PHF24: variants seen among roughly 807,000 people sequenced by gnomAD.
PHF24 encodes the protein Galpha inhibitory interacting protein.
PHF24 carries 25 observed loss-of-function variants against 42.6 expected under a neutral mutation model. That is an observed-to-expected ratio of 0.59 (90% confidence interval 0.43 to 0.82). The LOEUF (loss-of-function observed/expected upper bound fraction) is 0.82, where lower values mean the gene tolerates loss of function less well. PHF24 is among the 40% of genes least tolerant of loss of function. The pLI is 0.00. For synonymous variants in PHF24, 185 were observed against 204.8 expected (o/e 0.90, Z 0.83); for missense variants, 470 against 538.1 (o/e 0.87, Z 1.25).
chr9:34,933,812 C>T, the PHF24 span, among the ~76,000 whole-genome samples: 34 of 151,402 alleles, frequency 2.2e-4, no homozygotes, highest in Non-Finnish European at 3.7e-4. Flanking sequence ...CTCGCTCTGT[C>T]ACCCAGGCTG....
At chr9:34,723,279 G>T in the PHF24 span, 1 of 1,551,782 alleles carries the variant, frequency 6.4e-7, no homozygotes, top group Non-Finnish European at 8.7e-7. Flanking sequence ...CGAGGACAGT[G>T]ACGAGGGCAG....
the PHF24 span, among the ~76,000 whole-genome samples, chr9:34,800,413 A>G: frequency 1.3e-5 from 2 of 152,224 alleles, no homozygotes; most frequent in African/African-American, 4.8e-5. Flanking sequence ...CCTGACTTCA[A>G]ATTATACCAT....
the PHF24 span, among the ~76,000 whole-genome samples, chr9:34,766,817 C>A: frequency 4.6e-5 from 7 of 152,116 alleles, no homozygotes; most frequent in South Asian, 1.2e-3. Flanking sequence ...TGTTTTTTTC[C>A]CCATCTTTGC....
chr9:34,885,510 C>T, the PHF24 span, among the ~76,000 whole-genome samples: 1 of 152,156 alleles, frequency 6.6e-6, no homozygotes, highest in African/African-American at 2.4e-5. Flanking sequence ...GGCTCCTCTG[C>T]GGTAGGTTGG....
the PHF24 span, among the ~76,000 whole-genome samples, chr9:34,932,201 G>A: frequency 6.6e-6 from 1 of 152,070 alleles, no homozygotes; most frequent in Non-Finnish European, 1.5e-5. Context: ...TATTCCCCTG[G>A]GCTAAGGGAG....
chr9:34,890,252 C>T, the PHF24 span, among the ~76,000 whole-genome samples: 1 of 152,230 alleles, frequency 6.6e-6, no homozygotes. Flanking sequence ...CTGGGGAGAG[C>T]TCCAGTGCTG....
At chr9:34,719,671 C>T in the PHF24 span, among the ~76,000 whole-genome samples, 1 of 152,108 alleles carries the variant, frequency 6.6e-6, no homozygotes, top group Non-Finnish European at 1.5e-5. Flanking sequence ...CCTGCTCCAC[C>T]CTAAACCAGG....
chr9:34,927,934 A>T, the PHF24 span, among the ~76,000 whole-genome samples: 4 of 152,224 alleles, frequency 2.6e-5, no homozygotes, highest in Non-Finnish European at 4.4e-5. Flanking sequence ...GTTTTAAAAC[A>T]TTAATGAGTT....
the PHF24 span, among the ~76,000 whole-genome samples, chr9:34,902,186 G>A: frequency 2.0e-5 from 3 of 151,890 alleles, no homozygotes; most frequent in South Asian, 6.2e-4. Context: ...ATTAAATTTT[G>A]TTTATACCTT....
chr9:34,736,507 A>G, the PHF24 span, among the ~76,000 whole-genome samples: 544 of 152,194 alleles, frequency 3.6e-3, 3 homozygotes, highest in Non-Finnish European at 5.7e-3. Flanking sequence ...GGGTCTCCCT[A>G]TGTTGCCCAG....
the PHF24 span, among the ~76,000 whole-genome samples, chr9:34,671,807 TCATCCATCCATC>T: frequency 0.019 from 2,855 of 149,930 alleles, 71 homozygotes; most frequent in Admixed American, 0.073. Flanking sequence ...TTTTTCTGCC[TCATCCATCCATC>T]CATCCATCCA....
upstream of PHF24, among the ~76,000 whole-genome samples, chr9:34,952,960 C>T (rs553146743): frequency 2.1e-3 from 326 of 152,228 alleles, no homozygotes; most frequent in Middle Eastern, 6.8e-3. Flanking sequence ...ATACCTTACA[C>T]AAAAATTAAT....
the PHF24 span, among the ~76,000 whole-genome samples, chr9:34,890,583 T>G: frequency 6.6e-6 from 1 of 152,218 alleles, no homozygotes; most frequent in Non-Finnish European, 1.5e-5. Flanking sequence ...GTCCAACCCC[T>G]TCTGGATCTG....
the PHF24 span, among the ~76,000 whole-genome samples, chr9:34,767,293 C>G: frequency 2.0e-5 from 3 of 152,228 alleles, no homozygotes; most frequent in East Asian, 3.9e-4. Flanking sequence ...TTTGTCCGTG[C>G]CCTTCCCCCA....
chr9:34,978,301 C>T lies in PHF24; in HGVS notation c.*190C>T. The stretch of plus-strand genomic sequence containing the variant: ...AATAGAGGCAGTGAATGCATTGCCA[C>T]AAGGAGAAGCCCTGGGAGCTGTGGC... On this transcript the variant is annotated 3_prime_UTR_variant, in exon 8 of 8. Transcript: ENST00000242315. 3 of 552,968 alleles carry T rather than the reference C, an allele frequency of 5.4e-6. No individual in the cohort carries two copies. The East Asian group carries it at 8.5e-5, about 16-fold the overall frequency. The allele number at this position is 552,968 out of a possible 1,614,324, so 34.3% of individuals were successfully genotyped here.
the PHF24 span, chr9:34,837,187 T>C: frequency 2.2e-6 from 1 of 460,060 alleles, no homozygotes; most frequent in South Asian, 1.6e-5. Context: ...TCAGAGTATC[T>C]GGAGGAGGTT....
At chr9:34,832,383 C>T in the PHF24 span, 1 of 989,664 alleles carries the variant, frequency 1.0e-6, no homozygotes, top group Non-Finnish European at 1.5e-6. Context: ...TGAGGCAGAG[C>T]CAGGTTGTCT....
At chr9:34,917,582 G>A in the PHF24 span, 1 of 775,442 alleles carries the variant, frequency 1.3e-6, no homozygotes, top group South Asian at 1.3e-5. Flanking sequence ...CATGGAGCAG[G>A]AATATACCCT....
chr9:34,955,809 T>C (rs947510410), upstream of PHF24, among the ~76,000 whole-genome samples: 3 of 152,200 alleles, frequency 2.0e-5, no homozygotes, highest in Non-Finnish European at 4.4e-5. Context: ...GAAAATCTTA[T>C]CTTGTGCATA....
Sources: gnomAD v4.1 joint callset for allele counts (sites outside exome capture counted in the v4.1 genomes callset) on GRCh38, gnomAD v4.1.1 for gene constraint, MANE v1.5 for transcripts, NCBI Gene and HGNC (gene_info 2026-07-23, HGNC 2026-07-21) for gene names.